Variants in USP32 observed in about 807,000 individuals in gnomAD.
The protein encoded by USP32 is ubiquitin carboxyl-terminal hydrolase 32.
USP32 carries 59 observed loss-of-function variants against 204.8 expected under a neutral mutation model. That is an observed-to-expected ratio of 0.29 (90% CI 0.23 to 0.36). The LOEUF is 0.36. Ranked by LOEUF, USP32 falls within the 10% of genes least tolerant of loss-of-function variation. USP32 has a pLI of 1.00. For missense variants in USP32, 1,160 were observed against 1,946.4 expected, an observed-to-expected ratio of 0.60 and a Z score of 7.60; for synonymous variants, 517 against 678.4, an observed-to-expected ratio of 0.76 and a Z score of 3.70.
rs201896076 is a variant in USP32 at position 60,178,040 on chromosome 17, G to A, written c.*1215C>T. On this transcript the variant is annotated 3_prime_UTR_variant, in exon 34 of 34. Transcript: ENST00000300896. Reference sequence around the variant, plus strand: ...TTGATTAGAGAAAAAAATGAAGTAAGCAAAGAAACATAACTTTCGATGACT... The same window carrying A: ...TTGATTAGAGAAAAAAATGAAGTAAACAAAGAAACATAACTTTCGATGACT... Among the ~76,000 whole-genome samples the A allele has an allele frequency of 6.6e-6, 1 of 151,758 alleles. No individual in the cohort carries two copies. The highest frequency in any genetic ancestry group is 2.4e-5 in the African/African-American group (1 of 41,260).
chr17:60,404,534 G>A (rs1054090955), intron 1 of USP32, among the ~76,000 whole-genome samples: 1 of 152,094 alleles, frequency 6.6e-6, no homozygotes, highest in Non-Finnish European at 1.5e-5. Context: ...CTAGTTCTAG[G>A]AGAAACCGTC....
chr17:60,239,714 T>G (rs2145653428), intron 11 of USP32, among the ~76,000 whole-genome samples: 1 of 152,174 alleles, frequency 6.6e-6, no homozygotes, highest in African/African-American at 2.4e-5. Context: ...ATCATTCTCT[T>G]GGTTTCATTT....
intron 13 of USP32, among the ~76,000 whole-genome samples, chr17:60,224,194 T>C (rs1265800007): frequency 2.6e-5 from 4 of 152,260 alleles, no homozygotes; most frequent in Non-Finnish European, 4.4e-5. Flanking sequence ...AACTACATGC[T>C]AATCTTTGGT....
chr17:60,268,867 T>C (rs946360437), intron 7 of USP32, among the ~76,000 whole-genome samples: 2 of 152,144 alleles, frequency 1.3e-5, no homozygotes. Flanking sequence ...GACGTGGAGA[T>C]AATGACCCCA....
intron 27 of USP32, among the ~76,000 whole-genome samples, chr17:60,196,552 C>T (rs1425255653): frequency 5.3e-5 from 8 of 152,122 alleles, no homozygotes; most frequent in Admixed American, 3.9e-4. Flanking sequence ...TGGCCGGGCA[C>T]GATGGCTCAT....
intron 1 of USP32, among the ~76,000 whole-genome samples, chr17:60,402,827 T>C (rs150011833): frequency 2.3e-4 from 35 of 152,324 alleles, no homozygotes; most frequent in Non-Finnish European, 4.6e-4. Flanking sequence ...TGGAATCCTC[T>C]GAAGGCTTTC....
chr17:60,255,384 G>GC (rs2086274870), intron 9 of USP32, 126 bp from the exon 10 acceptor site: 1 of 625,552 alleles, frequency 1.6e-6, no homozygotes, highest in Non-Finnish European at 2.6e-6. Flanking sequence ...TGAAACCTCG[G>GC]CCTCCTGGGT....
intron 11 of USP32, among the ~76,000 whole-genome samples, chr17:60,244,174 T>C (rs1233918345): frequency 1.3e-5 from 2 of 151,460 alleles, no homozygotes; most frequent in Non-Finnish European, 2.9e-5. Flanking sequence ...TAGCTGGGAC[T>C]ATAGGCGCCC....
chr17:60,293,669 G>A (rs2087344600), intron 4 of USP32, among the ~76,000 whole-genome samples: 1 of 152,210 alleles, frequency 6.6e-6, no homozygotes, highest in East Asian at 1.9e-4. Context: ...AGAGTGGTAA[G>A]AAACTAATGA....
At chr17:60,372,353 G>A (rs1019897730) in intron 1 of USP32, among the ~76,000 whole-genome samples, 1 of 152,092 alleles carries the variant, frequency 6.6e-6, no homozygotes, top group South Asian at 2.1e-4. Context: ...AGACATCAGC[G>A]TGCTTACACA....
At chr17:60,310,283 C>CAAAAAA (rs1430283451) in intron 2 of USP32, among the ~76,000 whole-genome samples, 4 of 152,082 alleles carry the variant, frequency 2.6e-5, no homozygotes, top group African/African-American at 7.2e-5. Context: ...CAAAAAGATA[C>CAAAAAA]CTGTACTAAT....
chr17:60,369,993 C>A (rs2089406013), intron 1 of USP32, among the ~76,000 whole-genome samples: 1 of 152,124 alleles, frequency 6.6e-6, no homozygotes. Flanking sequence ...CCCACCTTGG[C>A]CTCCCAAACT....
chr17:60,211,282 T>C, intron 20 of USP32, 94 bp downstream of exon 20: 1 of 1,526,370 alleles, frequency 6.6e-7, no homozygotes, highest in Non-Finnish European at 8.8e-7. Flanking sequence ...AGATAAAATC[T>C]TTCTCCCACA....
intron 1 of USP32, among the ~76,000 whole-genome samples, chr17:60,368,072 G>T (rs1343440242): frequency 6.6e-6 from 1 of 152,040 alleles, no homozygotes; most frequent in African/African-American, 2.4e-5. Context: ...GGGGGCCCTA[G>T]AACCAATTCC....
chr17:60,336,640 C>T (rs1231744169), intron 2 of USP32, among the ~76,000 whole-genome samples: 3 of 143,104 alleles, frequency 2.1e-5, no homozygotes, highest in Non-Finnish European at 3.0e-5. Context: ...GGCGTGAACC[C>T]GGGAGGCGGA....
At chr17:60,349,517 G>A (rs1598274056) in intron 1 of USP32, among the ~76,000 whole-genome samples, 1 of 141,896 alleles carries the variant, frequency 7.0e-6, no homozygotes, top group East Asian at 2.1e-4. Flanking sequence ...GTTGCAGTGA[G>A]CTGAGATAGC....
chr17:60,411,094 C>T (rs764790820), intron 1 of USP32, among the ~76,000 whole-genome samples: 3 of 151,848 alleles, frequency 2.0e-5, no homozygotes, highest in Non-Finnish European at 4.4e-5. Flanking sequence ...TTTGGGAGGC[C>T]GAGGCAGGCG....
At chr17:60,306,870 A>G (rs1411898990) in intron 2 of USP32, among the ~76,000 whole-genome samples, 3 of 152,170 alleles carry the variant, frequency 2.0e-5, no homozygotes, top group African/African-American at 7.2e-5. Context: ...AATCAATACA[A>G]TTTATATACA....
chr17:60,392,364 GA>G (rs920332923), upstream of USP32: 5 of 266,834 alleles, frequency 1.9e-5, no homozygotes, highest in African/African-American at 4.7e-5. Context: ...CGGGGAGGGG[GA>G]CGCATCTCCG....
Sources: gnomAD v4.1 joint callset for allele counts (sites outside exome capture counted in the v4.1 genomes callset) on GRCh38, gnomAD v4.1.1 for gene constraint, MANE v1.5 for transcripts, NCBI Gene and HGNC (gene_info 2026-07-23, HGNC 2026-07-21) for gene names.